Variants in PREX1 observed in about 807,000 individuals in gnomAD.
PREX1 encodes the protein phosphatidylinositol-3,4,5-trisphosphate dependent Rac exchange factor 1.
PREX1 carries 41 observed loss-of-function variants against 198.3 expected under a neutral mutation model. The ratio of observed to expected loss-of-function variants is 0.21; its 90% CI spans 0.16 to 0.27. The LOEUF is 0.27. Among genes scored for constraint, PREX1 ranks in the 10% least tolerant of loss-of-function variants. The pLI is 1.00. For missense variants in PREX1, 1,620 were observed against 2,200.7 expected, an observed-to-expected ratio of 0.74 and a Z score of 5.28; for synonymous variants, 843 against 887.2, an observed-to-expected ratio of 0.95 and a Z score of 0.89.
chr20:48,656,637 A>G (rs1427828761), intron 18 of PREX1: 4 of 440,854 alleles, frequency 9.1e-6, no homozygotes, highest in South Asian at 6.5e-5. Flanking sequence ...CCCGACTCGC[A>G]GTGACGTCTC....
At chr20:48,865,939 G>A in the PREX1 span, among the ~76,000 whole-genome samples, 2 of 150,246 alleles carry the variant, frequency 1.3e-5, no homozygotes, top group Non-Finnish European at 1.5e-5. Context: ...TGCCCTTTTC[G>A]AAGTGTTAAA....
the PREX1 span, among the ~76,000 whole-genome samples, chr20:48,887,172 C>T: frequency 6.6e-6 from 1 of 152,192 alleles, no homozygotes; most frequent in African/African-American, 2.4e-5. Flanking sequence ...ACTGATCAGC[C>T]TCATAATCTT....
Position 48,679,351 on chromosome 20 carries a change from G to A in PREX1, c.1589+9C>T, listed in dbSNP as rs2089731664. ...GAGGTGAAATTGGAGCTTGGAAAGA[G>A]TAACTTACTTGATCACCGGGGTGTA... On this transcript the variant is annotated intron_variant, in intron 13 of 39. Transcript: ENST00000371941. 2 of 1,611,030 alleles carry A rather than the reference G, an allele frequency of 1.2e-6. No individual in the cohort carries two copies. Among genetic ancestry groups the A allele is most frequent in the African/African-American group, 1.3e-5 (1 of 74,864 alleles).
chr20:48,804,398 G>A (rs117662292), intron 1 of PREX1, among the ~76,000 whole-genome samples: 4 of 152,324 alleles, frequency 2.6e-5, no homozygotes, highest in Non-Finnish European at 5.9e-5. Flanking sequence ...GGCCAGGGAA[G>A]GCTGGGCTGA....
chr20:48,759,822 GGCTCACACCTGTGA>G (rs1163392361), intron 1 of PREX1, among the ~76,000 whole-genome samples: 3 of 152,076 alleles, frequency 2.0e-5, no homozygotes, highest in Admixed American at 6.6e-5. Flanking sequence ...TTATTGGCCA[GGCTCACACCTGTGA>G]GCTCACACCT....
the PREX1 span, among the ~76,000 whole-genome samples, chr20:48,836,880 C>T: frequency 2.4e-5 from 3 of 123,712 alleles, no homozygotes; most frequent in African/African-American, 6.2e-5. Flanking sequence ...TCCACCTGGG[C>T]GACAGAGTGA....
At chr20:48,638,428 A>C (rs747722591) in intron 30 of PREX1, among the ~76,000 whole-genome samples, 6 of 152,242 alleles carry the variant, frequency 3.9e-5, no homozygotes, top group Non-Finnish European at 7.4e-5. Flanking sequence ...CTGCAAAAAA[A>C]GCTCAATTCT....
Position 48,630,716 on chromosome 20 carries a change from A to G in PREX1, c.4593+12T>C. 3.8e-6 allele frequency: 6 copies of G among 1,574,122 alleles called. No individual in the cohort carries two copies. Among genetic ancestry groups the G allele is most frequent in the Non-Finnish European group, 5.2e-6 (6 of 1,143,856 alleles). On this transcript the variant is annotated intron_variant, in intron 36 of 39. Coordinates refer to ENST00000371941, the MANE Select transcript of PREX1 (RefSeq NM_020820.4). ...CCCAAGCTCCCTGCAGCAGGAGGGCACGTGGACATACCTGGTCTATCTTTA... is the reference window on the plus strand; with the variant it reads ...CCCAAGCTCCCTGCAGCAGGAGGGCGCGTGGACATACCTGGTCTATCTTTA...
At chr20:48,670,765 G>A (rs764593494) in intron 14 of PREX1, among the ~76,000 whole-genome samples, 3 of 152,134 alleles carry the variant, frequency 2.0e-5, no homozygotes, top group African/African-American at 4.8e-5. Context: ...CTCAATCAGC[G>A]ATCATTAATA....
the PREX1 span, among the ~76,000 whole-genome samples, chr20:48,839,370 T>C: frequency 1.8e-4 from 28 of 152,352 alleles, no homozygotes; most frequent in Admixed American, 2.6e-4. Context: ...AAGCTTGTTC[T>C]TTAGATCCAT....
rs1438177563 is a variant in PREX1 at position 48,827,917 on chromosome 20, G to T, written c.-57C>A. 2 of 757,790 alleles carry T rather than the reference G, an allele frequency of 2.6e-6. No homozygotes were observed. The highest frequency in any genetic ancestry group is 1.3e-4 in the East Asian group (1 of 7,562). 46.9% of individuals were successfully genotyped at this position (757,790 alleles called of 1,614,324 possible). ...CGTCGCGCCGAGCGGCAACTCAGGC[G>T]TCCAGGCGCCCCATCCCGGACGGGG... On this transcript the variant is annotated 5_prime_UTR_variant, in exon 1 of 40. Transcript: ENST00000371941. This position sits in a 1 kb window ranked among gnomAD's most constrained non-coding sequence, Gnocchi z 4.1.
Position 48,644,268 on chromosome 20 carries a change from T to TGTC in PREX1, c.3601+140_3601+141insGAC. Reference sequence around the variant, plus strand: ...AAGAAATACTTGTTGAATGACTGAATGGAAGGAAATCAAGTACAGGACCAT... The same window carrying TGTC: ...AAGAAATACTTGTTGAATGACTGAATGTCGGAAGGAAATCAAGTACAGGACCAT... On this transcript the variant is annotated intron_variant, in intron 27 of 39. Transcript: ENST00000371941. 7.1e-6 allele frequency: 5 copies of TGTC among 700,150 alleles called. No individual in the cohort carries two copies. The South Asian group carries it at 8.2e-5, about 12-fold the overall frequency. The allele number at this position is 700,150 out of a possible 1,614,324, so 43.4% of individuals were successfully genotyped here.
intron 5 of PREX1, among the ~76,000 whole-genome samples, chr20:48,709,996 G>A (rs2089923160): frequency 6.6e-6 from 1 of 152,214 alleles, no homozygotes; most frequent in Non-Finnish European, 1.5e-5. Context: ...CTGGGACTTT[G>A]CTGAGCTCTT....
intron 30 of PREX1, 69 bp from the exon 31 acceptor site, chr20:48,637,821 G>C: frequency 6.9e-7 from 1 of 1,438,942 alleles, no homozygotes; most frequent in Non-Finnish European, 9.6e-7. Flanking sequence ...GGGCAGAACC[G>C]GGCCCCTCCC....
At chr20:48,746,243 G>T (rs930536189) in intron 2 of PREX1, among the ~76,000 whole-genome samples, 4 of 152,084 alleles carry the variant, frequency 2.6e-5, no homozygotes. Context: ...GGCTGGTTTC[G>T]AACTCCTGAG....
At chr20:48,812,150 T>G (rs2090439195) in intron 1 of PREX1, among the ~76,000 whole-genome samples, 1 of 152,338 alleles carries the variant, frequency 6.6e-6, no homozygotes, top group African/African-American at 2.4e-5. Flanking sequence ...AGCCCTCAGT[T>G]ACTAAATTGA....
chr20:48,773,072 G>A (rs1479689673), intron 1 of PREX1, among the ~76,000 whole-genome samples: 3 of 152,108 alleles, frequency 2.0e-5, no homozygotes, highest in African/African-American at 7.2e-5. Flanking sequence ...TTCAAGACCA[G>A]CCTCGCCAAC....
the PREX1 span, among the ~76,000 whole-genome samples, chr20:48,847,417 A>C: frequency 6.6e-6 from 1 of 150,984 alleles, no homozygotes; most frequent in Non-Finnish European, 1.5e-5. Flanking sequence ...TAAATAAAAG[A>C]CACACAAAAG....
intron 5 of PREX1, among the ~76,000 whole-genome samples, chr20:48,714,273 C>T (rs1158232550): frequency 2.0e-5 from 3 of 152,170 alleles, no homozygotes; most frequent in African/African-American, 7.2e-5. Context: ...CTTCAAATGA[C>T]ACTACCCCAA....
Sources: gnomAD v4.1 joint callset for allele counts (sites outside exome capture counted in the v4.1 genomes callset) on GRCh38, gnomAD v4.1.1 for gene constraint, Gnocchi (gnomAD v3.1) non-coding constraint, MANE v1.5 for transcripts, NCBI Gene and HGNC (gene_info 2026-07-23, HGNC 2026-07-21) for gene names.